The following NLGN4X variants were observed in gnomAD, a reference collection of about 807,000 sequenced individuals.
NLGN4X encodes neuroligin-4, X-linked.
Under a neutral mutation model 40.3 loss-of-function variants are expected in NLGN4X, and 3 were observed. The observed-to-expected ratio is 0.07, with a 90% CI of 0.03 to 0.19. The LOEUF is 0.19. NLGN4X is among the 10% of genes least tolerant of loss of function. NLGN4X has a pLI of 1.00. For synonymous variants in NLGN4X, 270 were observed against 306.8 expected, an observed-to-expected ratio of 0.88 and a Z score of 1.25; for missense variants, 382 against 708.3, an observed-to-expected ratio of 0.54 and a Z score of 5.23.
chrX:5,920,479 T>C (rs779478214), intron 3 of NLGN4X, among the ~76,000 whole-genome samples: 119 of 111,861 alleles, frequency 1.1e-3, no homozygotes, highest in Non-Finnish European at 1.7e-3. Flanking sequence ...CAGGTGAAAG[T>C]TGGTCCTGGC....
In NLGN4X at chrX:6,197,187, G is replaced by A. The variant is rs1262386010; in HGVS notation, c.-306+31354C>T. Among the ~76,000 whole-genome samples, 3 of 111,377 alleles carry A rather than the reference G, an allele frequency of 2.7e-5. No individual in the cohort carries two copies. The Admixed American group carries it at 2.9e-4, about 11-fold the overall frequency. The stretch of plus-strand genomic sequence containing the variant: ...TCTTCTGGACTTTATTCCAGAATTT[G>A]GACAAGATAACCTATTACAGAAGGC... On this transcript the variant is annotated intron_variant, in intron 1 of 5. Coordinates refer to ENST00000381095, the MANE Select transcript of NLGN4X (RefSeq NM_181332.3).
At position 6,082,948 on chromosome X, in the gene NLGN4X, G is replaced by GTTTTTTTT. The variant is rs930625574; in HGVS notation, c.473-53517_473-53516insAAAAAAAA. 7.9e-3 allele frequency among the ~76,000 whole-genome samples: 555 copies of GTTTTTTTT among 70,296 alleles called. 64 individuals carry two copies. Among genetic ancestry groups the GTTTTTTTT allele is most frequent in the Non-Finnish European group, 0.011 (386 of 34,135 alleles). The allele number at this position is 70,296 out of a possible 115,157, so 61.0% of individuals were successfully genotyped here. On this transcript the variant is annotated intron_variant, in intron 2 of 5. Transcript: ENST00000381095. ...AAAAAAAGAGATTTTGCCATGATGC[G>GTTTTTTTT]TTTTTTTCTTTTTTTTTTTTTTTTT...
Position 5,901,115 on chromosome X carries a change from C to T in NLGN4X, c.1601+1962G>A, listed in dbSNP as rs754841227. Reference sequence around the variant, plus strand: ...ATTGAAAGGTGGTATCCAGGTGATACCTTTTCCACTCCAAAAACATGCTGT... The same window carrying T: ...ATTGAAAGGTGGTATCCAGGTGATATCTTTTCCACTCCAAAAACATGCTGT... On this transcript the variant is annotated intron_variant, in intron 5 of 5. Coordinates refer to ENST00000381095, the MANE Select transcript of NLGN4X (RefSeq NM_181332.3). 2.7e-5 allele frequency among the ~76,000 whole-genome samples: 3 copies of T among 111,577 alleles called. No homozygotes were observed. In the South Asian group the frequency reaches 1.1e-3, roughly 42 times the overall value.
chrX:5,999,947 A>G (rs2035931569), intron 3 of NLGN4X, among the ~76,000 whole-genome samples: 2 of 112,689 alleles, frequency 1.8e-5, no homozygotes, highest in Non-Finnish European at 3.7e-5. Context: ...AGATGGCCAC[A>G]ATGATCAGAA....
At chrX:6,156,483 T>C (rs2040269511) in intron 1 of NLGN4X, among the ~76,000 whole-genome samples, 1 of 111,735 alleles carries the variant, frequency 8.9e-6, no homozygotes, top group South Asian at 3.7e-4. Flanking sequence ...CACTCCAGCC[T>C]GGGCAACAGA....
chrX:5,996,813 A>G (rs2035832106), intron 3 of NLGN4X, among the ~76,000 whole-genome samples: 1 of 110,153 alleles, frequency 9.1e-6, no homozygotes, highest in Non-Finnish European at 1.9e-5. Flanking sequence ...TGGCCAGGCC[A>G]CTTGTACTCC....
At chrX:5,915,576 G>A (rs975244495) in intron 3 of NLGN4X, among the ~76,000 whole-genome samples, 2 of 111,929 alleles carry the variant, frequency 1.8e-5, no homozygotes, top group Non-Finnish European at 3.8e-5. Context: ...CTCTCGCTCT[G>A]TCGCCTAAGC....
At chrX:6,073,441 T>C in intron 2 of NLGN4X, among the ~76,000 whole-genome samples, 1 of 112,457 alleles carries the variant, frequency 8.9e-6, no homozygotes, top group Non-Finnish European at 1.9e-5. Flanking sequence ...TTTAGCATTG[T>C]TCCCATTGGT....
At chrX:5,984,336 A>T (rs1352750397) in intron 3 of NLGN4X, among the ~76,000 whole-genome samples, 3 of 110,437 alleles carry the variant, frequency 2.7e-5, no homozygotes, top group Non-Finnish European at 5.7e-5. Flanking sequence ...CTTGAGAAAA[A>T]GTAATCCAGA....
intron 1 of NLGN4X, among the ~76,000 whole-genome samples, chrX:6,166,258 ATTTTTT>A (rs896197865): frequency 3.6e-5 from 4 of 111,037 alleles, no homozygotes; most frequent in African/African-American, 1.3e-4. Flanking sequence ...TTTTATTTTT[ATTTTTT>A]ATTTTATTGA....
intron 3 of NLGN4X, among the ~76,000 whole-genome samples, chrX:5,918,167 T>A (rs761525762): frequency 2.1e-4 from 23 of 111,141 alleles, no homozygotes; most frequent in Admixed American, 4.8e-4. Context: ...TTTTTTTTTT[T>A]ATTTACGTTT....
intron 1 of NLGN4X, among the ~76,000 whole-genome samples, chrX:6,174,068 AAAC>A (rs1381294499): frequency 9.0e-6 from 1 of 111,089 alleles, no homozygotes; most frequent in African/African-American, 3.3e-5. Flanking sequence ...AAACAAAACA[AAAC>A]AAAACAAAAC....
chrX:5,978,264 GTCTCTTTTTTTCTTTCTT>G lies in NLGN4X; in HGVS notation c.625+50998_625+51015del, dbSNP rs762767647. On this transcript the variant is annotated intron_variant, in intron 3 of 5. Transcript: ENST00000381095. ...TCCAACTGGAATTAAAAAGACAGGC[GTCTCTTTTTTTCTTTCTT>G]TCTTTCTTTCTTTCTTTCTTTCTTT... Among the ~76,000 whole-genome samples the G allele has an allele frequency of 4.5e-3, 483 of 107,837 alleles. 7 individuals are homozygous for G. Among genetic ancestry groups the G allele is most frequent in the African/African-American group, 0.016 (456 of 29,319 alleles). 93.6% of individuals were successfully genotyped at this position (107,837 alleles called of 115,157 possible).
chrX:6,027,275 G>A (rs1455342794), intron 3 of NLGN4X, among the ~76,000 whole-genome samples: 3 of 112,151 alleles, frequency 2.7e-5, no homozygotes, highest in Admixed American at 1.9e-4. Flanking sequence ...AGTAGCCAAA[G>A]CAACTATCCA....
At chrX:5,990,276 C>G (rs769248502) in intron 3 of NLGN4X, among the ~76,000 whole-genome samples, 1 of 111,196 alleles carries the variant, frequency 9.0e-6, no homozygotes, top group African/African-American at 3.3e-5. Context: ...CGTCAAGGCA[C>G]TAGATACAGA....
At chrX:5,902,011 A>C (rs1601854094) in intron 5 of NLGN4X, among the ~76,000 whole-genome samples, 1 of 109,893 alleles carries the variant, frequency 9.1e-6, no homozygotes, top group African/African-American at 3.3e-5. Flanking sequence ...TCCTATGGCC[A>C]GGCAATCAAC....
At chrX:6,016,458 CAG>C (rs1413360006) in intron 3 of NLGN4X, among the ~76,000 whole-genome samples, 1 of 111,849 alleles carries the variant, frequency 8.9e-6, no homozygotes, top group African/African-American at 3.3e-5. Flanking sequence ...ATTAAAAAGA[CAG>C]ATGAGAACAA....
chrX:6,049,560 C>T (rs191024161), intron 2 of NLGN4X, among the ~76,000 whole-genome samples: 2,040 of 109,701 alleles, frequency 0.019, 21 homozygotes, highest in Non-Finnish European at 0.029. Context: ...TTTGAGTCTT[C>T]GTTTCCATCT....
chrX:6,010,653 C>T (rs774319586), intron 3 of NLGN4X, among the ~76,000 whole-genome samples: 32 of 108,522 alleles, frequency 2.9e-4, no homozygotes, highest in Non-Finnish European at 5.5e-4. Context: ...CTCAGCCTCC[C>T]AAGTAGCTGG....
Sources: allele counts gnomAD v4.1 joint callset (sites outside exome capture counted in the v4.1 genomes callset), GRCh38; gene constraint gnomAD v4.1.1; transcripts MANE v1.5; gene names NCBI Gene and HGNC (gene_info 2026-07-23, HGNC 2026-07-21).